The following ZFP90 variants were observed in gnomAD, a reference collection of about 807,000 sequenced individuals.
ZFP90 encodes zinc finger protein 90 homolog.
Under a neutral mutation model 60.8 loss-of-function variants are expected in ZFP90, and 38 were observed. That is an observed-to-expected ratio of 0.62 (90% CI 0.48 to 0.82). ZFP90 has a LOEUF of 0.82. Ranked by LOEUF, ZFP90 falls within the 40% of genes least tolerant of loss-of-function variation. ZFP90 has a pLI of 0.00. For synonymous variants in ZFP90, 287 were observed against 264.8 expected, an observed-to-expected ratio of 1.08 and a Z score of -0.82; for missense variants, 711 against 759.1, an observed-to-expected ratio of 0.94 and a Z score of 0.74.
At chr16:68,534,887 A>G (rs1182001928), upstream of ZFP90, among the ~76,000 whole-genome samples, 1 of 152,180 alleles carries the variant, frequency 6.6e-6, no homozygotes, top group Admixed American at 6.5e-5. Context: ...AGCCTGGGTG[A>G]CAGAGCAAGA....
downstream of ZFP90, among the ~76,000 whole-genome samples, chr16:68,571,807 GAAA>G (rs1567417152): frequency 2.8e-5 from 1 of 35,220 alleles, no homozygotes; most frequent in Non-Finnish European, 1.2e-4. Flanking sequence ...ATTGTTAAAA[GAAA>G]AAGTCTTGGC....
intron 2 of ZFP90, among the ~76,000 whole-genome samples, chr16:68,543,553 T>C (rs1428248266): frequency 8.7e-6 from 1 of 115,362 alleles, no homozygotes; most frequent in Non-Finnish European, 1.7e-5. Flanking sequence ...TACATCCTTA[T>C]TTGCCTTTTT....
upstream of ZFP90, among the ~76,000 whole-genome samples, chr16:68,537,614 G>A (rs997091756): frequency 2.6e-5 from 4 of 151,976 alleles, no homozygotes; most frequent in Non-Finnish European, 4.4e-5. Context: ...CGCCCAGGTC[G>A]GAGTGCTGTG....
intron 2 of ZFP90, among the ~76,000 whole-genome samples, chr16:68,545,228 C>A (rs1355286427): frequency 6.6e-6 from 1 of 151,956 alleles, no homozygotes; most frequent in East Asian, 1.9e-4. Context: ...GGTGCATTTA[C>A]CCAGCCTTCT....
rs551779570 is a variant in ZFP90, at chr16:68,548,474, C to CT, written c.33+8679dup. On this transcript the variant is annotated intron_variant, in intron 2 of 4. Coordinates refer to ENST00000563169, the MANE Select transcript of ZFP90 (RefSeq NM_001305203.2). Reference sequence around the variant, plus strand: ...ATATTTCACTGTTCTGTTTATCCTCCTTTTTTTTTTTTTTTTTTTTTTTTT... The same window carrying CT: ...ATATTTCACTGTTCTGTTTATCCTCCTTTTTTTTTTTTTTTTTTTTTTTTTT... Among the ~76,000 whole-genome samples, 439 of 81,076 alleles carry CT rather than the reference C, an allele frequency of 5.4e-3. 26 individuals carry two copies. Among genetic ancestry groups the CT allele is most frequent in the Admixed American group, 0.015 (76 of 5,040 alleles). The allele number at this position is 81,076 out of a possible 152,430, so 53.2% of individuals were successfully genotyped here. A position where few individuals can be genotyped will look rare whatever the true frequency, so the allele number is the denominator to read the frequency against.
chr16:68,565,312 T>TG lies in ZFP90; in HGVS notation c.*615dup, dbSNP rs2091507729. ...ATTTGGGGCCCCATGGCCTTGCCAG[T>TG]GAAAAGGTTATTTTTGGACTCAGAG... On this transcript the variant is annotated 3_prime_UTR_variant, in exon 5 of 5. Transcript: ENST00000563169. 3 of 985,434 alleles carry TG rather than the reference T, an allele frequency of 3.0e-6. No individual in the cohort carries two copies. The highest frequency in any genetic ancestry group is 6.1e-5 in the Admixed American group (1 of 16,264). 61.0% of individuals were successfully genotyped at this position (985,434 alleles called of 1,614,324 possible).
chr16:68,546,995 A>G (rs1036610862), intron 2 of ZFP90, among the ~76,000 whole-genome samples: 2 of 152,216 alleles, frequency 1.3e-5, no homozygotes, highest in Non-Finnish European at 2.9e-5. Flanking sequence ...CCATTGATAG[A>G]CACTTGCTTT....
chr16:68,551,271 C>T (rs775694262), intron 2 of ZFP90, among the ~76,000 whole-genome samples: 1 of 152,068 alleles, frequency 6.6e-6, no homozygotes, highest in Non-Finnish European at 1.5e-5. Context: ...GGATATTATG[C>T]ATTTATTCAT....
intron 2 of ZFP90, among the ~76,000 whole-genome samples, chr16:68,542,496 C>T (rs1198257029): frequency 3.3e-5 from 5 of 152,082 alleles, no homozygotes; most frequent in African/African-American, 9.7e-5. Context: ...GAGGCTGAGG[C>T]AGGAGAATCG....
chr16:68,544,424 C>A (rs1281835739), intron 2 of ZFP90, among the ~76,000 whole-genome samples: 3 of 151,658 alleles, frequency 2.0e-5, no homozygotes, highest in Non-Finnish European at 2.9e-5. Flanking sequence ...AACAAACAAA[C>A]AAAAAAACAG....
intron 4 of ZFP90, chr16:68,561,965 G>T (rs1955679655): frequency 6.6e-6 from 1 of 151,912 alleles, no homozygotes. Context: ...TATCACATTT[G>T]TTGTTGTTAA....
At chr16:68,558,880 A>G (rs2091390364) in intron 4 of ZFP90, among the ~76,000 whole-genome samples, 1 of 150,994 alleles carries the variant, frequency 6.6e-6, no homozygotes, top group African/African-American at 2.4e-5. Flanking sequence ...GATCTCCCCC[A>G]TCTTTTCCTT....
At chr16:68,538,106 A>G (rs1428623130), upstream of ZFP90, among the ~76,000 whole-genome samples, 3 of 151,812 alleles carry the variant, frequency 2.0e-5, no homozygotes, top group South Asian at 2.1e-4. Flanking sequence ...GAGACGAGCT[A>G]TCTCCATGTT....
chr16:68,563,572 C>T lies in ZFP90; in HGVS notation c.785C>T (p.Thr262Ile). The change falls in exon 5 of 5, where the codon ACC (threonine) becomes ATC (isoleucine). Residue 262 changes from threonine to isoleucine, a missense_variant. Thr to Ile is a moderately conservative substitution (Grantham distance 89). This residue lies in a region of ZFP90 where 146 missense variants were observed against 201.4 expected (regional missense o/e 0.73). Coordinates refer to ENST00000563169, the MANE Select transcript of ZFP90 (RefSeq NM_001305203.2). Reference protein sequence around the residue: ...KHHECTDCGKTFLWKTQLTEH... With the variant: ...KHHECTDCGKIFLWKTQLTEH... ...CATGAATGTACCGACTGTGGGAAAA[C>T]CTTTCTCTGGAAGACACAGCTTACT... 2.5e-6 allele frequency: 4 copies of T among 1,614,204 alleles called. No homozygotes were observed. The highest frequency in any genetic ancestry group is 3.4e-6 in the Non-Finnish European group (4 of 1,180,040).
upstream of ZFP90, among the ~76,000 whole-genome samples, chr16:68,537,930 G>C (rs370129238): frequency 7.7e-6 from 1 of 129,754 alleles, no homozygotes; most frequent in Admixed American, 7.6e-5. Context: ...TGTTTTTTTT[G>C]AGATGGAGTT....
intron 2 of ZFP90, among the ~76,000 whole-genome samples, chr16:68,546,752 T>C (rs1324581218): frequency 1.3e-5 from 2 of 152,214 alleles, no homozygotes; most frequent in African/African-American, 4.8e-5. Flanking sequence ...CCTCAAGTGA[T>C]CTGCCCACCT....
chr16:68,558,198 C>A, intron 3 of ZFP90, 74 bp downstream of exon 3: 1 of 1,588,012 alleles, frequency 6.3e-7, no homozygotes, highest in South Asian at 1.1e-5. Flanking sequence ...TGGTGGTGCC[C>A]AGAGCTTAGG....
upstream of ZFP90, among the ~76,000 whole-genome samples, chr16:68,538,201 C>T (rs972703252): frequency 3.3e-5 from 5 of 152,102 alleles, no homozygotes; most frequent in African/African-American, 4.8e-5. Context: ...CTTGAGCCAC[C>T]GCACCCGGCA....
chr16:68,543,300 T>C (rs929608414), intron 2 of ZFP90, among the ~76,000 whole-genome samples: 2 of 152,172 alleles, frequency 1.3e-5, no homozygotes, highest in African/African-American at 4.8e-5. Context: ...AAGATTGCCA[T>C]GAATGATGAA....
Sources: allele counts gnomAD v4.1 joint callset (sites outside exome capture counted in the v4.1 genomes callset), GRCh38; gene constraint gnomAD v4.1.1; regional missense constraint gnomAD v4.1.1; transcripts MANE v1.5; gene names NCBI Gene and HGNC (gene_info 2026-07-23, HGNC 2026-07-21).